The following ANK1 variants were observed in gnomAD, a reference collection of about 807,000 sequenced individuals.
ANK1 encodes the protein ankyrin 1, also known as ankyrin-1.
A neutral mutation model predicts 210.4 loss-of-function variants in ANK1; 51 were observed. The observed-to-expected ratio is 0.24, with a 90% CI of 0.19 to 0.31. ANK1 has a LOEUF of 0.31. ANK1 is among the 10% of genes least tolerant of loss of function. The pLI, the probability that ANK1 is intolerant of heterozygous loss-of-function variation, is 1.00. For synonymous variants in ANK1, 967 were observed against 1,025.9 expected, an observed-to-expected ratio of 0.94 and a Z score of 1.10; for missense variants, 2,051 against 2,504.4, an observed-to-expected ratio of 0.82 and a Z score of 3.86.
intron 2 of ANK1, among the ~76,000 whole-genome samples, chr8:41,753,569 A>G (rs1478825996): frequency 6.6e-6 from 1 of 152,070 alleles, no homozygotes; most frequent in Non-Finnish European, 1.5e-5. Flanking sequence ...ATTCGGGGGT[A>G]CCTGTGCAGG....
intron 1 of ANK1, among the ~76,000 whole-genome samples, chr8:41,765,058 C>CTTCCTTCCTTCCTTCT: frequency 6.6e-6 from 1 of 151,240 alleles, no homozygotes; most frequent in Middle Eastern, 3.4e-3. Flanking sequence ...AATCATTTCC[C>CTTCCTTCCTTCCTTCT]TTCCTTCCTT....
chr8:41,824,424 A>T lies in ANK1; in HGVS notation c.127-66287T>A, dbSNP rs1804999267. ...CTCTTCACTTTCAAGTCCTGGAAACATGTCAGCACAAACTACATTAAAAAT... is the reference window on the plus strand; with the variant it reads ...CTCTTCACTTTCAAGTCCTGGAAACTTGTCAGCACAAACTACATTAAAAAT... On this transcript the variant is annotated intron_variant, in intron 1 of 42. Transcript: ENST00000265709. 2.0e-5 allele frequency among the ~76,000 whole-genome samples: 3 copies of T among 152,182 alleles called. No homozygotes were observed. In the South Asian group the frequency reaches 6.2e-4, roughly 32 times the overall value.
At chr8:41,763,701 T>C (rs1840985030) in intron 1 of ANK1, among the ~76,000 whole-genome samples, 1 of 152,110 alleles carries the variant, frequency 6.6e-6, no homozygotes, top group Non-Finnish European at 1.5e-5. Flanking sequence ...GCTCTGTCCC[T>C]GAGCACTCTA....
At chr8:41,664,903 G>A in intron 39 of ANK1, 1 of 1,614,206 alleles carries the variant, frequency 6.2e-7, no homozygotes, top group South Asian at 1.1e-5. Context: ...AGCTCCTGGT[G>A]GATGTGCTTT....
At chr8:41,686,080 G>A in intron 36 of ANK1, 72 bp downstream of exon 36, 1 of 1,609,210 alleles carries the variant, frequency 6.2e-7, no homozygotes, top group Non-Finnish European at 8.5e-7. Flanking sequence ...GTCATGAATG[G>A]AATTTGAAGG....
At chr8:41,857,953 T>C (rs1377240601) in intron 1 of ANK1, among the ~76,000 whole-genome samples, 1 of 149,900 alleles carries the variant, frequency 6.7e-6, no homozygotes, top group African/African-American at 2.5e-5. Context: ...GGGGGCCAGG[T>C]ATAGTAGCTC....
chr8:41,846,797 C>A (rs1228079614), intron 1 of ANK1, among the ~76,000 whole-genome samples: 1 of 152,220 alleles, frequency 6.6e-6, no homozygotes, highest in Non-Finnish European at 1.5e-5. Context: ...TTTCCCACAC[C>A]CTCCCACCCT....
chr8:41,693,717 A>G (rs1042774321), intron 29 of ANK1, among the ~76,000 whole-genome samples, 181 bp downstream of exon 29: 3 of 152,098 alleles, frequency 2.0e-5, no homozygotes, highest in African/African-American at 7.2e-5. Context: ...GAGTCACCAC[A>G]TGGGCATGGA....
chr8:41,839,498 C>T (rs1198833316), intron 1 of ANK1, among the ~76,000 whole-genome samples: 1 of 152,226 alleles, frequency 6.6e-6, no homozygotes, highest in Non-Finnish European at 1.5e-5. Flanking sequence ...CAGTGTTTAG[C>T]AGGAAACAGG....
chr8:41,669,401 A>G (rs1400111381), intron 38 of ANK1, among the ~76,000 whole-genome samples: 3 of 152,008 alleles, frequency 2.0e-5, no homozygotes, highest in Non-Finnish European at 4.4e-5. Flanking sequence ...GGCTCAGGCG[A>G]TCCTCCTGCC....
At chr8:41,851,178 C>T (rs1202806217) in intron 1 of ANK1, among the ~76,000 whole-genome samples, 1 of 152,190 alleles carries the variant, frequency 6.6e-6, no homozygotes, top group African/African-American at 2.4e-5. Flanking sequence ...TCGACCAAAT[C>T]ATGATCAATA....
At chr8:41,658,951 G>C (rs1233527375) in intron 42 of ANK1, among the ~76,000 whole-genome samples, 1 of 152,106 alleles carries the variant, frequency 6.6e-6, no homozygotes, top group Non-Finnish European at 1.5e-5. Context: ...CTGTGAACAC[G>C]GAATTAGCAA....
At chr8:41,799,837 G>A (rs1404370375), upstream of ANK1, among the ~76,000 whole-genome samples, 1 of 152,186 alleles carries the variant, frequency 6.6e-6, no homozygotes, top group African/African-American at 2.4e-5. Flanking sequence ...AAAGGGAGCT[G>A]GGCTGGTTTC....
chr8:41,840,773 A>G (rs1808745508), intron 1 of ANK1, among the ~76,000 whole-genome samples: 1 of 152,224 alleles, frequency 6.6e-6, no homozygotes, highest in Non-Finnish European at 1.5e-5. Flanking sequence ...GGACCCAAAC[A>G]CGCAACCCAT....
At chr8:41,712,294 C>T (rs571510842) in intron 16 of ANK1, among the ~76,000 whole-genome samples, 82 of 152,276 alleles carry the variant, frequency 5.4e-4, no homozygotes, top group African/African-American at 1.9e-3. Flanking sequence ...ATGGATGTAT[C>T]CTCAGGAATC....
At chr8:41,824,223 C>T (rs1011162457) in intron 1 of ANK1, among the ~76,000 whole-genome samples, 4 of 152,140 alleles carry the variant, frequency 2.6e-5, no homozygotes, top group Non-Finnish European at 5.9e-5. Flanking sequence ...CCTCGGCCTC[C>T]CAAAGTGCTG....
rs115635231 is a variant in ANK1 at position 41,853,087 on chromosome 8, C to A, written c.126+43268G>T. The stretch of plus-strand genomic sequence containing the variant: ...GGAAAATATTTGCTTACCCAAAAGG[C>A]ATCTTCATTTTGACAGCTATGAGAT... On this transcript the variant is annotated intron_variant, in intron 1 of 42. Coordinates refer to the ANK1 transcript ENST00000265709. Among the ~76,000 whole-genome samples the A allele has an allele frequency of 2.9e-3, 446 of 152,344 alleles. 3 individuals carry two copies. The highest frequency in any genetic ancestry group is 0.01 in the African/African-American group (436 of 41,584).
chr8:41,669,903 G>A (rs1021594093), intron 38 of ANK1, among the ~76,000 whole-genome samples: 8 of 152,050 alleles, frequency 5.3e-5, no homozygotes, highest in Non-Finnish European at 1.0e-4. Flanking sequence ...GTTAGGGCAC[G>A]TGCCAGGCAC....
chr8:41,849,710 T>C (rs1309948740), intron 1 of ANK1, among the ~76,000 whole-genome samples: 2 of 152,236 alleles, frequency 1.3e-5, no homozygotes, highest in African/African-American at 2.4e-5. Flanking sequence ...CATTCTTTAA[T>C]AGTTAATGCT....
Sources: allele counts gnomAD v4.1 joint callset (sites outside exome capture counted in the v4.1 genomes callset), GRCh38; gene constraint gnomAD v4.1.1; transcripts MANE v1.5; gene names NCBI Gene and HGNC (gene_info 2026-07-23, HGNC 2026-07-21).